Variants in PPARG observed in about 807,000 individuals in gnomAD.
The protein encoded by PPARG is peroxisome proliferator-activated receptor gamma.
A neutral mutation model predicts 39.2 loss-of-function variants in PPARG; 17 were observed. The observed-to-expected ratio is 0.43, with a 90% CI of 0.30 to 0.65. The LOEUF (loss-of-function observed/expected upper bound fraction) is 0.65, where lower values mean the gene tolerates loss of function less well. Ranked by LOEUF, PPARG falls within the 30% of genes least tolerant of loss-of-function variation. The pLI, the probability that PPARG is intolerant of heterozygous loss-of-function variation, is 0.13. For missense variants in PPARG, 406 were observed against 585.9 expected, an observed-to-expected ratio of 0.69 and a Z score of 3.17; for synonymous variants, 223 against 215.7, an observed-to-expected ratio of 1.03 and a Z score of -0.30.
chr3:12,295,468 A>C (rs1053441999), intron 1 of PPARG, among the ~76,000 whole-genome samples: 1 of 152,068 alleles, frequency 6.6e-6, no homozygotes, highest in Non-Finnish European at 1.5e-5. Flanking sequence ...TTTAAAAGCA[A>C]TATAATGTAT....
intron 2 of PPARG, among the ~76,000 whole-genome samples, chr3:12,320,170 T>C (rs1035942680): frequency 5.3e-5 from 8 of 152,196 alleles, no homozygotes; most frequent in Non-Finnish European, 1.2e-4. Context: ...TAACCTGTTT[T>C]GAGGATGCGT....
intron 2 of PPARG, among the ~76,000 whole-genome samples, chr3:12,367,040 G>A (rs1331815764): frequency 6.6e-6 from 1 of 152,086 alleles, no homozygotes; most frequent in African/African-American, 2.4e-5. Context: ...GTTTCAGAAG[G>A]TTATTAGTTA....
chr3:12,367,283 C>A (rs753024064), intron 2 of PPARG, among the ~76,000 whole-genome samples: 8 of 152,164 alleles, frequency 5.3e-5, no homozygotes, highest in Admixed American at 3.3e-4. Context: ...AGAATTTCAA[C>A]TAAACCAAAG....
chr3:12,368,183 C>CT (rs556381640), intron 2 of PPARG, among the ~76,000 whole-genome samples: 46,920 of 133,278 alleles, frequency 0.35, 9,943 homozygotes, highest in South Asian at 0.66. Context: ...TTTTCTTTTT[C>CT]TTTTTTGTTT....
At chr3:12,351,562 G>C in intron 2 of PPARG, 1 of 1,501,798 alleles carries the variant, frequency 6.7e-7, no homozygotes, top group Non-Finnish European at 9.3e-7. Flanking sequence ...ATATCAGTGT[G>C]AATTACAGCA....
intron 2 of PPARG, among the ~76,000 whole-genome samples, chr3:12,334,022 C>A (rs960981410): frequency 6.6e-6 from 1 of 152,084 alleles, no homozygotes; most frequent in Non-Finnish European, 1.5e-5. Flanking sequence ...TTATTGGATG[C>A]AATTCTTAAT....
chr3:12,402,245 C>T lies in PPARG; in HGVS notation c.530-3637C>T, dbSNP rs533594425. The stretch of plus-strand genomic sequence containing the variant: ...ATAACAAAAGTTCAGGAGCAACAGA[C>T]ACTTGGTGATTCTAGTCACCTCTAT... On this transcript the variant is annotated intron_variant, in intron 5 of 7. Transcript: ENST00000651735. 2.0e-5 allele frequency among the ~76,000 whole-genome samples: 3 copies of T among 152,274 alleles called. No individual in the cohort carries two copies. The South Asian group carries it at 6.2e-4, about 32-fold the overall frequency.
At chr3:12,290,458 A>G (rs1039080208) in intron 1 of PPARG, among the ~76,000 whole-genome samples, 2 of 152,148 alleles carry the variant, frequency 1.3e-5, no homozygotes, top group Admixed American at 1.3e-4. Context: ...ATGATAAAAT[A>G]TAATATTTTC....
At chr3:12,433,537 C>CA (rs11451254) in intron 7 of PPARG, among the ~76,000 whole-genome samples, 30,796 of 98,346 alleles carry the variant, frequency 0.31, 4,305 homozygotes, top group African/African-American at 0.45. Context: ...GACTCCATCT[C>CA]AAAAAAAAAA....
chr3:12,396,973 G>A (rs758387929), intron 5 of PPARG, among the ~76,000 whole-genome samples: 1 of 151,708 alleles, frequency 6.6e-6, no homozygotes, highest in Non-Finnish European at 1.5e-5. Flanking sequence ...TGAAACTATA[G>A]GCATGTGCCA....
At chr3:12,361,475 G>A (rs1407198324) in intron 2 of PPARG, among the ~76,000 whole-genome samples, 1 of 152,084 alleles carries the variant, frequency 6.6e-6, no homozygotes, top group East Asian at 1.9e-4. Context: ...AAGTTTTCTG[G>A]TTTTATATTT....
At position 12,292,697 on chromosome 3, in the gene PPARG, A is replaced by G. The variant is rs115519090; in HGVS notation, c.-83+3563A>G. Among the ~76,000 whole-genome samples, 273 of 152,324 alleles carry G rather than the reference A, an allele frequency of 1.8e-3. 1 individual carries two copies. The highest frequency in any genetic ancestry group is 6.3e-3 in the African/African-American group (261 of 41,554). ...TGAAGTGTCTCCTGCTTAAGAAAGT[A>G]AGGGACTTGGACTGAATATGCCAAA... On this transcript the variant is annotated intron_variant, in intron 1 of 7. Transcript: ENST00000651735.
chr3:12,329,882 C>T (rs1322870124), intron 2 of PPARG, among the ~76,000 whole-genome samples: 2 of 152,178 alleles, frequency 1.3e-5, no homozygotes, highest in African/African-American at 4.8e-5. Context: ...TAAGTGGACT[C>T]ATATAATATT....
chr3:12,389,870 C>G (rs1241290112), intron 4 of PPARG, among the ~76,000 whole-genome samples: 1 of 152,150 alleles, frequency 6.6e-6, no homozygotes, highest in African/African-American at 2.4e-5. Flanking sequence ...GCACTCCAGC[C>G]TGAGCAAGAG....
At chr3:12,421,333 AG>A (rs1230388815) in intron 7 of PPARG, among the ~76,000 whole-genome samples, 1 of 152,192 alleles carries the variant, frequency 6.6e-6, no homozygotes, top group Non-Finnish European at 1.5e-5. Flanking sequence ...TGCACTCCCT[AG>A]TCTTACTGAC....
intron 2 of PPARG, chr3:12,328,191 G>T (rs1048579176): frequency 1.4e-6 from 2 of 1,402,736 alleles, no homozygotes; most frequent in Non-Finnish European, 2.0e-6. Context: ...TAAAGAACTA[G>T]AACAGAAAAA....
At chr3:12,312,217 G>A (rs1036832327) in intron 1 of PPARG, among the ~76,000 whole-genome samples, 163 bp from the exon 2 acceptor site, 1 of 152,246 alleles carries the variant, frequency 6.6e-6, no homozygotes, top group African/African-American at 2.4e-5. Context: ...CTAGAGAATA[G>A]AAAGCATTGT....
Position 12,433,990 on chromosome 3 carries a change from G to A in PPARG, c.1273G>A (p.Glu425Lys). The A allele has an allele frequency of 1.2e-6, 2 of 1,614,186 alleles. No individual in the cohort carries two copies. Among genetic ancestry groups the A allele is most frequent in the Non-Finnish European group, 1.7e-6 (2 of 1,180,028 alleles). The change falls in exon 8 of 8, where the codon GAG (glutamate) becomes AAG (lysine). Residue 425 changes from glutamate to lysine, a missense_variant. Glu to Lys is a moderately conservative substitution (Grantham distance 56, BLOSUM62 1). Around this residue, in one of 2 missense-constraint regions of PPARG, gnomAD observed 275 missense variants for 458.0 expected, o/e 0.60. Coordinates refer to ENST00000651735, the MANE Select transcript of PPARG (RefSeq NM_138711.6). ...LELQLKLNHP[E>K]SSQLFAKLLQ... ...GCTCCAGCTGAAGCTGAACCACCCT[G>A]AGTCCTCACAGCTGTTTGCCAAGCT...
intron 5 of PPARG, among the ~76,000 whole-genome samples, chr3:12,401,966 T>C (rs1317917094): frequency 2.6e-5 from 4 of 152,212 alleles, no homozygotes; most frequent in Admixed American, 2.6e-4. Flanking sequence ...ATTTTTTGGT[T>C]ATATTTGTTA....
Sources: allele counts gnomAD v4.1 joint callset (sites outside exome capture counted in the v4.1 genomes callset), GRCh38; gene constraint gnomAD v4.1.1; regional missense constraint gnomAD v4.1.1; transcripts MANE v1.5; gene names NCBI Gene and HGNC (gene_info 2026-07-23, HGNC 2026-07-21).